RBL2: variants seen among roughly 807,000 people sequenced by gnomAD.
RBL2 encodes RB transcriptional corepressor like 2, also known as retinoblastoma-like protein 2.
In RBL2, 56 loss-of-function variants were observed where a neutral mutation model predicts 126.0. That is an observed-to-expected ratio of 0.44 (90% CI 0.36 to 0.56). The LOEUF (loss-of-function observed/expected upper bound fraction) is 0.56. Ranked by LOEUF, RBL2 falls within the 20% of genes least tolerant of loss-of-function variation. The pLI is 0.00. For missense variants in RBL2, 1,229 were observed against 1,398.2 expected, an observed-to-expected ratio of 0.88 and a Z score of 1.93; for synonymous variants, 454 against 478.5, an observed-to-expected ratio of 0.95 and a Z score of 0.67.
At chr16:53,435,160 G>C (rs997860608) in intron 1 of RBL2, among the ~76,000 whole-genome samples, 7 of 152,122 alleles carry the variant, frequency 4.6e-5, no homozygotes, top group Non-Finnish European at 1.0e-4. Flanking sequence ...AAGGGGAGGG[G>C]ACTTGCCCTT....
intron 8 of RBL2, 106 bp from the exon 9 acceptor site, chr16:53,459,345 T>C: frequency 2.3e-6 from 2 of 853,278 alleles, no homozygotes; most frequent in Non-Finnish European, 3.6e-6. Flanking sequence ...GATAAAGTCT[T>C]ACTGGCTTGA....
intron 2 of RBL2, among the ~76,000 whole-genome samples, chr16:53,439,579 G>T (rs1484945826): frequency 6.6e-6 from 1 of 152,106 alleles, no homozygotes; most frequent in Non-Finnish European, 1.5e-5. Context: ...CCTGTTTGGA[G>T]GATAAATGAC....
intron 21 of RBL2, 149 bp downstream of exon 21, chr16:53,481,984 G>T: frequency 1.8e-4 from 118 of 650,220 alleles, no homozygotes; most frequent in Middle Eastern, 6.0e-4. Flanking sequence ...AAAACCCAGG[G>T]TTTGTTTTGT....
At chr16:53,480,078 A>G in intron 19 of RBL2, 87 bp downstream of exon 19, 2 of 841,942 alleles carry the variant, frequency 2.4e-6, no homozygotes, top group Admixed American at 2.9e-5. Context: ...GCATTACTAA[A>G]TGAAATAACT....
At chr16:53,442,226 C>A (rs541563430) in intron 2 of RBL2, among the ~76,000 whole-genome samples, 17 of 152,252 alleles carry the variant, frequency 1.1e-4, no homozygotes, top group Admixed American at 7.9e-4. Flanking sequence ...GTAGGAGGAT[C>A]ACTCAAGCCC....
intron 3 of RBL2, among the ~76,000 whole-genome samples, chr16:53,446,271 AAGT>A (rs1394647779): frequency 1.3e-5 from 2 of 152,206 alleles, no homozygotes; most frequent in Non-Finnish European, 2.9e-5. Context: ...CTGGTGAACT[AAGT>A]ACAGTATTGT....
chr16:53,464,445 A>G, intron 12 of RBL2, 82 bp downstream of exon 12: 1 of 1,162,816 alleles, frequency 8.6e-7, no homozygotes, highest in Non-Finnish European at 1.2e-6. Flanking sequence ...TCAAGTTAAC[A>G]TCTAAGAACA....
intron 19 of RBL2, 109 bp downstream of exon 19, chr16:53,480,100 G>A (rs777103979): frequency 1.3e-5 from 10 of 748,692 alleles, no homozygotes; most frequent in Non-Finnish European, 1.9e-5. Flanking sequence ...TAGAAACTAT[G>A]AAAGTGTTTT....
At chr16:53,462,319 A>G (rs1054858486) in intron 10 of RBL2, among the ~76,000 whole-genome samples, 6 of 152,196 alleles carry the variant, frequency 3.9e-5, no homozygotes, top group African/African-American at 1.4e-4. Flanking sequence ...CTTAAATGAT[A>G]TTACAGTTCC....
At chr16:53,485,111 T>G (rs1170043466) in intron 21 of RBL2, among the ~76,000 whole-genome samples, 3 of 152,112 alleles carry the variant, frequency 2.0e-5, no homozygotes, top group East Asian at 3.9e-4. Context: ...GATTGACATT[T>G]ATAGAACACT....
At chr16:53,435,153 G>C (rs2057945561) in intron 1 of RBL2, among the ~76,000 whole-genome samples, 1 of 152,114 alleles carries the variant, frequency 6.6e-6, no homozygotes, top group South Asian at 2.1e-4. Flanking sequence ...CACGGACAAG[G>C]GGAGGGGACT....
intron 14 of RBL2, 138 bp downstream of exon 14, chr16:53,467,307 A>C (rs1479388392): frequency 1.5e-6 from 1 of 659,544 alleles, no homozygotes; most frequent in East Asian, 2.9e-5. Context: ...TGGATCACTT[A>C]AAAGAAGGGC....
chr16:53,489,254 G>A (rs1020896114), intron 21 of RBL2: 1 of 152,108 alleles, frequency 6.6e-6, no homozygotes, highest in Admixed American at 6.6e-5. Flanking sequence ...AATCAAACAA[G>A]GCTGGCCAAA....
intron 17 of RBL2, among the ~76,000 whole-genome samples, chr16:53,474,197 C>T (rs1262120015): frequency 6.6e-6 from 1 of 152,118 alleles, no homozygotes; most frequent in Non-Finnish European, 1.5e-5. Context: ...TACCTTGTTG[C>T]ACAGGCTGGT....
chr16:53,439,615 G>C (rs71390206), intron 2 of RBL2, among the ~76,000 whole-genome samples: 3,460 of 152,190 alleles, frequency 0.023, 97 homozygotes, highest in Admixed American at 0.087. Flanking sequence ...TTTAGAAAGG[G>C]TCAAATATGT....
At chr16:53,440,953 CTTTTTTTTT>C (rs1178378934) in intron 2 of RBL2, among the ~76,000 whole-genome samples, 1 of 71,662 alleles carries the variant, frequency 1.4e-5, no homozygotes, top group African/African-American at 5.9e-5. Flanking sequence ...TTTTTCAGTT[CTTTTTTTTT>C]TTTTTTTTTT....
chr16:53,442,057 T>C (rs1598088123), intron 2 of RBL2, among the ~76,000 whole-genome samples: 1 of 152,196 alleles, frequency 6.6e-6, no homozygotes, highest in East Asian at 1.9e-4. Context: ...CCTGACCTTG[T>C]GAATCTCCCA....
chr16:53,461,011 G>C (rs1286016243), intron 9 of RBL2, among the ~76,000 whole-genome samples: 2 of 152,162 alleles, frequency 1.3e-5, no homozygotes, highest in Non-Finnish European at 2.9e-5. Flanking sequence ...TGAGTCTGTA[G>C]TATGGGTTTT....
rs770741429 is a variant in RBL2, at chr16:53,434,666, C to A, written c.110C>A (p.Pro37His). Residue 37 changes from proline (P) to histidine (H), a missense_variant, in exon 1 of 22, where the codon CCT becomes CAT. Transcript: ENST00000262133. Reference protein sequence around the residue: ...DDGEAEDAAPPAESPTPQIQQ... With the variant: ...DDGEAEDAAPHAESPTPQIQQ... ...GGCGAGGCGGAAGACGCCGCGCCGC[C>A]TGCCGAGTCGCCCACCCCTCAGATC... 12 of 1,571,064 alleles carry A rather than the reference C, an allele frequency of 7.6e-6. No homozygotes were observed. The African/African-American group carries it at 1.1e-4, about 14-fold the overall frequency.
Sources: gnomAD v4.1 joint callset for allele counts (sites outside exome capture counted in the v4.1 genomes callset) on GRCh38, gnomAD v4.1.1 for gene constraint, MANE v1.5 for transcripts, NCBI Gene and HGNC (gene_info 2026-07-23, HGNC 2026-07-21) for gene names.